The following STX8 variants were observed in gnomAD, a reference collection of about 807,000 sequenced individuals.
STX8 encodes the protein syntaxin 8, also known as syntaxin-8.
STX8 carries 23 observed loss-of-function variants against 37.5 expected under a neutral mutation model. The ratio of observed to expected loss-of-function variants is 0.61; its 90% confidence interval spans 0.44 to 0.87. The LOEUF is 0.87. STX8 is among the 40% of genes least tolerant of loss of function. The pLI is 0.00. For synonymous variants in STX8, 115 were observed against 99.1 expected (o/e 1.16, Z -0.95); for missense variants, 313 against 284.7 (o/e 1.10, Z -0.71).
chr17:9,545,725 C>G (rs1459727708), intron 3 of STX8, among the ~76,000 whole-genome samples: 2 of 152,146 alleles, frequency 1.3e-5, no homozygotes, highest in African/African-American at 4.8e-5. Context: ...GGCTTACAGA[C>G]GTGCACCACC....
intron 5 of STX8, 117 bp from the exon 6 acceptor site, chr17:9,492,038 G>A (rs577345240): frequency 1.2e-5 from 8 of 642,808 alleles, no homozygotes; most frequent in Admixed American, 3.6e-5. Flanking sequence ...AAAAAAAAGA[G>A]AAAAGAGTTA....
chr17:9,424,205 T>C (rs1226199112), intron 6 of STX8, among the ~76,000 whole-genome samples: 1 of 152,066 alleles, frequency 6.6e-6, no homozygotes, highest in Admixed American at 6.5e-5. Flanking sequence ...TCCTGAGCCC[T>C]GACAAGAGAA....
Position 9,409,055 on chromosome 17 carries a change from A to T in STX8, c.542-30402T>A, listed in dbSNP as rs1912894793. On this transcript the variant is annotated intron_variant, in intron 6 of 7. Transcript: ENST00000306357. Reference sequence around the variant, plus strand: ...CCTCTCTATTCCAAGTATGGTACTCAGCCAGCAGCAGCCACTGCCCAACCC... The same window carrying T: ...CCTCTCTATTCCAAGTATGGTACTCTGCCAGCAGCAGCCACTGCCCAACCC... Among the ~76,000 whole-genome samples the T allele has an allele frequency of 2.0e-5, 3 of 151,734 alleles. No homozygotes were observed. In the South Asian group the frequency reaches 6.3e-4, roughly 32 times the overall value.
At chr17:9,401,145 C>A (rs1912602963) in intron 6 of STX8, among the ~76,000 whole-genome samples, 1 of 152,138 alleles carries the variant, frequency 6.6e-6, no homozygotes, top group Non-Finnish European at 1.5e-5. Flanking sequence ...ATATTTAGAG[C>A]AAATTCTAAT....
chr17:9,274,902 C>T (rs954168800), intron 7 of STX8, among the ~76,000 whole-genome samples: 1 of 151,118 alleles, frequency 6.6e-6, no homozygotes, highest in African/African-American at 2.4e-5. Flanking sequence ...AGGCATGCAC[C>T]ACCATGCCTG....
In STX8 at chr17:9,333,632, G is replaced by A. The variant is rs146953162; in HGVS notation, c.643+44920C>T. Among the ~76,000 whole-genome samples the A allele has an allele frequency of 1.0e-3, 154 of 152,254 alleles. 1 individual carries two copies. The East Asian group carries it at 0.021, about 21-fold the overall frequency. ...TCTGGATCTCCTGACCTTGTGATCC[G>A]CCCGCCTTGGCCTCCCAAAGTGCTC... On this transcript the variant is annotated intron_variant, in intron 7 of 7. Transcript: ENST00000306357.
rs531870460 is a variant in STX8 at position 9,273,329 on chromosome 17, T to C, written c.644-22684A>G. ...TCCTTTTTGGGTCCAAAAGGTCATC[T>C]TTCTTGGAAGGGAGAGGGCTAAGAG... is the stretch of plus-strand genomic sequence containing the variant. On this transcript the variant is annotated intron_variant, in intron 7 of 7. Transcript: ENST00000306357. 3 of 152,344 alleles carry C rather than the reference T, an allele frequency of 2.0e-5. No individual in the cohort carries two copies. In the South Asian group the frequency reaches 6.2e-4, roughly 32 times the overall value. The allele number at this position is 152,344 out of a possible 1,614,324, so 9.4% of individuals were successfully genotyped here.
chr17:9,274,237 T>G lies in STX8; in HGVS notation c.644-23592A>C, dbSNP rs1019428340. 6.6e-5 allele frequency among the ~76,000 whole-genome samples: 10 copies of G among 152,284 alleles called. No individual in the cohort carries two copies. The South Asian group carries it at 8.3e-4, about 13-fold the overall frequency. On this transcript the variant is annotated intron_variant, in intron 7 of 7. Transcript: ENST00000306357. ...CCAGATCTGTTACCTGCTTGCTGGC[T>G]TGGGTGGAGGTTAGATCTCAACCAC...
intron 6 of STX8, among the ~76,000 whole-genome samples, chr17:9,449,621 A>T (rs975707279): frequency 6.6e-6 from 1 of 152,130 alleles, no homozygotes; most frequent in East Asian, 1.9e-4. Context: ...ATTCCACCAC[A>T]ATAAAAAGGC....
chr17:9,521,083 T>C (rs1343405006), intron 4 of STX8, among the ~76,000 whole-genome samples: 1 of 152,232 alleles, frequency 6.6e-6, no homozygotes, highest in Non-Finnish European at 1.5e-5. Flanking sequence ...TTTCTGTGAA[T>C]ATAAAGATGC....
chr17:9,263,314 C>A lies in STX8; in HGVS notation c.644-12669G>T, dbSNP rs543774456. Among the ~76,000 whole-genome samples the A allele has an allele frequency of 8.5e-5, 13 of 152,192 alleles. No homozygotes were observed. The South Asian group carries it at 2.1e-3, about 24-fold the overall frequency. ...CAAAATGGAGAAACCCCATCCTCTACTAAAAATACAAAAAAATTAGCCGGG... is the reference window on the plus strand; with the variant it reads ...CAAAATGGAGAAACCCCATCCTCTAATAAAAATACAAAAAAATTAGCCGGG... On this transcript the variant is annotated intron_variant, in intron 7 of 7. Transcript: ENST00000306357.
intron 6 of STX8, among the ~76,000 whole-genome samples, chr17:9,468,767 G>T (rs1446239708): frequency 6.6e-6 from 1 of 152,100 alleles, no homozygotes; most frequent in African/African-American, 2.4e-5. Context: ...TCAAGGCTGG[G>T]GCATATAAGC....
intron 6 of STX8, among the ~76,000 whole-genome samples, chr17:9,484,820 C>T (rs376630175): frequency 2.0e-5 from 3 of 152,110 alleles, no homozygotes; most frequent in African/African-American, 7.2e-5. Flanking sequence ...GAGCAAGATT[C>T]TGTCTCAAAA....
At chr17:9,455,607 T>TA (rs1020798447) in intron 6 of STX8, among the ~76,000 whole-genome samples, 63 of 151,800 alleles carry the variant, frequency 4.2e-4, no homozygotes, top group African/African-American at 1.3e-3. Context: ...TATCTTGGTG[T>TA]AAAAAAAAGC....
At position 9,494,003 on chromosome 17, in the gene STX8, GTT is replaced by G. The variant is rs1567585314; in HGVS notation, c.449-2084_449-2083del. Among the ~76,000 whole-genome samples, 272 of 53,408 alleles carry G rather than the reference GTT, an allele frequency of 5.1e-3. 2 individuals are homozygous for G. The highest frequency in any genetic ancestry group is 0.011 in the African/African-American group (260 of 24,610). The allele number at this position is 53,408 out of a possible 152,430, so 35.0% of individuals were successfully genotyped here. On this transcript the variant is annotated intron_variant, in intron 5 of 7. Coordinates refer to ENST00000306357, the MANE Select transcript of STX8 (RefSeq NM_004853.3). ...AAGTTCATATGTTTTGTTTTTTTTT[GTT>G]TTGTTTTTTTGTTGTTGTTGTTGTT...
intron 7 of STX8, among the ~76,000 whole-genome samples, chr17:9,304,553 C>T (rs12947931): frequency 1.4e-5 from 2 of 137,986 alleles, no homozygotes; most frequent in African/African-American, 2.6e-5. Flanking sequence ...AAAAAGAAAA[C>T]GAAAAATACA....
At chr17:9,519,603 T>C (rs1905266013) in intron 4 of STX8, among the ~76,000 whole-genome samples, 1 of 151,966 alleles carries the variant, frequency 6.6e-6, no homozygotes, top group Non-Finnish European at 1.5e-5. Context: ...AAAACAGAGA[T>C]CTCACCCTAT....
intron 6 of STX8, among the ~76,000 whole-genome samples, chr17:9,414,225 T>C (rs2142339372): frequency 6.6e-6 from 1 of 150,746 alleles, no homozygotes; most frequent in Non-Finnish European, 1.5e-5. Flanking sequence ...AGGTAAGTGG[T>C]AGCTACAGAA....
Position 9,293,291 on chromosome 17 carries a change from G to C in STX8, c.644-42646C>G, listed in dbSNP as rs79646868. Among the ~76,000 whole-genome samples, 59 of 152,222 alleles carry C rather than the reference G, an allele frequency of 3.9e-4. No homozygotes were observed. In the East Asian group the frequency reaches 0.011, roughly 29 times the overall value. Reference sequence around the variant, plus strand: ...TAGGCAGTATTCTAGGAGTATCTAAGGGATGCTCGAGGTCTCACAGCTGGT... The same window carrying C: ...TAGGCAGTATTCTAGGAGTATCTAACGGATGCTCGAGGTCTCACAGCTGGT... On this transcript the variant is annotated intron_variant, in intron 7 of 7. Transcript: ENST00000306357.
Sources: allele counts gnomAD v4.1 joint callset (sites outside exome capture counted in the v4.1 genomes callset), GRCh38; gene constraint gnomAD v4.1.1; transcripts MANE v1.5; gene names NCBI Gene and HGNC (gene_info 2026-07-23, HGNC 2026-07-21).